GALNT10: variants seen among roughly 807,000 people sequenced by gnomAD.
GALNT10 encodes the protein polypeptide N-acetylgalactosaminyltransferase 10, also known as GalNAc transferase 10.
GALNT10 carries 41 observed loss-of-function variants against 75.0 expected under a neutral mutation model. The observed-to-expected ratio is 0.55, with a 90% confidence interval of 0.43 to 0.71. The LOEUF is 0.71. Ranked by LOEUF, GALNT10 falls within the 30% of genes least tolerant of loss-of-function variation. The pLI is 0.00. For synonymous variants in GALNT10, 302 were observed against 313.0 expected (o/e 0.96, Z 0.37); for missense variants, 727 against 818.5 (o/e 0.89, Z 1.36).
At chr5:154,263,284 A>G (rs1753727567) in intron 1 of GALNT10, among the ~76,000 whole-genome samples, 1 of 152,208 alleles carries the variant, frequency 6.6e-6, no homozygotes, top group East Asian at 1.9e-4. Flanking sequence ...AAATATGTGT[A>G]TATATACCGA....
intron 7 of GALNT10, among the ~76,000 whole-genome samples, chr5:154,390,436 A>G (rs113796111): frequency 0.016 from 2,494 of 152,342 alleles, 24 homozygotes; most frequent in Non-Finnish European, 0.024. Flanking sequence ...CACATACTAA[A>G]TCTTCACCAC....
intron 3 of GALNT10, among the ~76,000 whole-genome samples, chr5:154,309,334 G>A (rs978466035): frequency 5.3e-5 from 8 of 152,200 alleles, no homozygotes; most frequent in Non-Finnish European, 8.8e-5. Flanking sequence ...TGGTCGGGTT[G>A]TAGTGGGGCT....
Position 154,291,110 on chromosome 5 carries a change from A to G in GALNT10, c.160-3706A>G, listed in dbSNP as rs1235909570. Among the ~76,000 whole-genome samples, 3 of 152,188 alleles carry G rather than the reference A, an allele frequency of 2.0e-5. No homozygotes were observed. The East Asian group carries it at 5.8e-4, about 29-fold the overall frequency. On this transcript the variant is annotated intron_variant, in intron 1 of 11. Coordinates refer to ENST00000297107, the MANE Select transcript of GALNT10 (RefSeq NM_198321.4). ...CAGTGGAGTTAGGTATGAAACTCCC[A>G]GGATTTTGGAGCCTTAATTCTCAAT...
At chr5:154,269,508 C>T (rs1192757345) in intron 1 of GALNT10, among the ~76,000 whole-genome samples, 1 of 152,220 alleles carries the variant, frequency 6.6e-6, no homozygotes, top group Non-Finnish European at 1.5e-5. Flanking sequence ...TAAAAGCAGC[C>T]TGGCTCAATA....
At position 154,415,776 on chromosome 5, in the gene GALNT10, T is replaced by A; in HGVS notation, c.1504-7T>A. The stretch of plus-strand genomic sequence containing the variant: ...GCTATCCCTATTTATGATGCCCCTG[T>A]GCACAGGTATTCACCTTCACCTGGA... On this transcript the variant is annotated splice_region_variant and splice_polypyrimidine_tract_variant and intron_variant, in intron 10 of 11. Transcript: ENST00000297107. 1.9e-6 allele frequency: 3 copies of A among 1,613,814 alleles called. No individual in the cohort carries two copies. The highest frequency in any genetic ancestry group is 2.5e-6 in the Non-Finnish European group (3 of 1,179,752).
At chr5:154,335,132 G>T (rs757066964) in intron 4 of GALNT10, among the ~76,000 whole-genome samples, 35 of 152,132 alleles carry the variant, frequency 2.3e-4, no homozygotes, top group Non-Finnish European at 4.6e-4. Flanking sequence ...TTATTGCTTG[G>T]GTTCTTTCGC....
At chr5:154,386,617 G>GGGGGGGGTC in intron 7 of GALNT10, 187 bp downstream of exon 7, 1 of 365,832 alleles carries the variant, frequency 2.7e-6, no homozygotes. Flanking sequence ...GGGGGTGTGG[G>GGGGGGGGTC]AGGGAAGGGG....
chr5:154,283,261 T>A (rs1416082498), intron 1 of GALNT10, among the ~76,000 whole-genome samples: 2 of 101,294 alleles, frequency 2.0e-5, no homozygotes, highest in Admixed American at 2.7e-4. Context: ...CTGGGCAACA[T>A]AATAAGACCT....
At chr5:154,234,701 C>A (rs1413472226) in intron 1 of GALNT10, among the ~76,000 whole-genome samples, 2 of 152,192 alleles carry the variant, frequency 1.3e-5, no homozygotes, top group African/African-American at 4.8e-5. Flanking sequence ...ATGCACAGGG[C>A]CCTGCACTGA....
intron 1 of GALNT10, among the ~76,000 whole-genome samples, chr5:154,246,859 G>A (rs1423465588): frequency 1.3e-5 from 2 of 152,170 alleles, no homozygotes; most frequent in African/African-American, 4.8e-5. Context: ...ATTGCTTTTG[G>A]TGTTTTAGAC....
intron 1 of GALNT10, among the ~76,000 whole-genome samples, chr5:154,239,252 G>A (rs1753294533): frequency 2.0e-5 from 3 of 152,196 alleles, no homozygotes; most frequent in Admixed American, 2.0e-4. Flanking sequence ...CACTGAAGGA[G>A]GTTCTCTCGC....
intron 1 of GALNT10, among the ~76,000 whole-genome samples, chr5:154,257,751 C>T (rs552092273): frequency 5.4e-4 from 82 of 151,852 alleles, no homozygotes; most frequent in African/African-American, 2.0e-3. Flanking sequence ...TATAGATTTC[C>T]TAGGGTCTTA....
intron 1 of GALNT10, among the ~76,000 whole-genome samples, chr5:154,264,110 G>A (rs1354068074): frequency 6.6e-6 from 1 of 151,990 alleles, no homozygotes; most frequent in Admixed American, 6.6e-5. Flanking sequence ...GCCAGGAGTT[G>A]GAGACCAGCC....
chr5:154,211,037 C>T (rs1405666282), intron 1 of GALNT10, among the ~76,000 whole-genome samples: 1 of 152,190 alleles, frequency 6.6e-6, no homozygotes, highest in Non-Finnish European at 1.5e-5. Context: ...ATACAGGATC[C>T]TCTGTACCAG....
chr5:154,417,153 G>T lies in GALNT10; in HGVS notation c.*181G>T, dbSNP rs1002811004. On this transcript the variant is annotated 3_prime_UTR_variant, in exon 12 of 12. Transcript: ENST00000297107. ...CCTGGTCCTTGAGCCCCTGAGTTGT[G>T]GGGGTAGGGTGAAGAGCATATCCCA... is the stretch of plus-strand genomic sequence containing the variant. 3.3e-5 allele frequency: 20 copies of T among 604,362 alleles called. No homozygotes were observed. The highest frequency in any genetic ancestry group is 5.0e-5 in the Non-Finnish European group (17 of 341,104). The allele number at this position is 604,362 out of a possible 1,614,324, so 37.4% of individuals were successfully genotyped here. A position where few individuals can be genotyped will look rare whatever the true frequency, so the allele number is the denominator to read the frequency against.
In GALNT10 at chr5:154,382,179, C is replaced by T. The variant is rs374526886; in HGVS notation, c.938+1548C>T. On this transcript the variant is annotated intron_variant, in intron 6 of 11. Transcript: ENST00000297107. ...CAGGGCTCCTGAGAGGAACCCCTAA[C>T]ACTATGAGCCCCAGGGCAGGCTCAG... Among the ~76,000 whole-genome samples the T allele has an allele frequency of 1.8e-3, 267 of 152,302 alleles. 2 individuals carry two copies. The South Asian group carries it at 0.021, about 12-fold the overall frequency.
chr5:154,262,050 C>A (rs1753706575), intron 1 of GALNT10, among the ~76,000 whole-genome samples: 1 of 152,144 alleles, frequency 6.6e-6, no homozygotes. Context: ...GTAGTATTAC[C>A]TTGTAGGCTT....
chr5:154,238,235 C>T (rs1439887336), intron 1 of GALNT10, among the ~76,000 whole-genome samples: 11 of 151,818 alleles, frequency 7.2e-5, no homozygotes, highest in African/African-American at 1.2e-4. Context: ...TTTCTGTTTC[C>T]GTGCTTTAAG....
In GALNT10 at chr5:154,330,588, A is replaced by T. The variant is rs1754841000; in HGVS notation, c.568+850A>T. Among the ~76,000 whole-genome samples the T allele has an allele frequency of 2.0e-5, 3 of 152,320 alleles. No homozygotes were observed. In the South Asian group the frequency reaches 6.2e-4, roughly 32 times the overall value. On this transcript the variant is annotated intron_variant, in intron 4 of 11. Transcript: ENST00000297107. Reference sequence around the variant, plus strand: ...CTTAGCTGTGAGTCTTACCCTGTGGAATAACTCAGTCTCGGGTTTAAGAGA... The same window carrying T: ...CTTAGCTGTGAGTCTTACCCTGTGGTATAACTCAGTCTCGGGTTTAAGAGA...
Sources: allele counts gnomAD v4.1 joint callset (sites outside exome capture counted in the v4.1 genomes callset), GRCh38; gene constraint gnomAD v4.1.1; transcripts MANE v1.5; gene names NCBI Gene and HGNC (gene_info 2026-07-23, HGNC 2026-07-21).